PLA2G4C: variants seen among roughly 807,000 people sequenced by gnomAD.
The protein encoded by PLA2G4C is cytosolic phospholipase A2 gamma.
Under a neutral mutation model 73.8 loss-of-function variants are expected in PLA2G4C, and 64 were observed. The ratio of observed to expected loss-of-function variants is 0.87; its 90% CI spans 0.71 to 1.07. The LOEUF (loss-of-function observed/expected upper bound fraction) is 1.07, where lower values mean the gene tolerates loss of function less well. Among genes scored for constraint, PLA2G4C ranks in the 50% least tolerant of loss-of-function variants. PLA2G4C has a pLI of 0.00. For synonymous variants in PLA2G4C, 254 were observed against 252.1 expected (o/e 1.01, Z -0.07); for missense variants, 622 against 665.4 (o/e 0.93, Z 0.72).
chr19:48,098,018 C>T (rs770629456), intron 6 of PLA2G4C, 121 bp downstream of exon 6: 182 of 1,104,846 alleles, frequency 1.6e-4, no homozygotes, highest in Non-Finnish European at 2.3e-4. Flanking sequence ...CTGTTTTCTG[C>T]AATCCTGAGC....
At chr19:48,071,431 C>T (rs1968654175) in intron 12 of PLA2G4C, among the ~76,000 whole-genome samples, 1 of 152,138 alleles carries the variant, frequency 6.6e-6, no homozygotes, top group Admixed American at 6.6e-5. Flanking sequence ...GCTAGGATTA[C>T]AGGCATGTGC....
chr19:48,110,423 C>G, intron 1 of PLA2G4C, 64 bp downstream of exon 1: 1 of 1,135,908 alleles, frequency 8.8e-7, no homozygotes, highest in Non-Finnish European at 1.2e-6. Context: ...TGCACCCAAT[C>G]CCTGGTACTT....
At chr19:48,099,537 A>T (rs985190984) in intron 5 of PLA2G4C, 134 bp downstream of exon 5, 4 of 607,206 alleles carry the variant, frequency 6.6e-6, no homozygotes, top group Non-Finnish European at 1.1e-5. Flanking sequence ...CATCAACCGA[A>T]GTGCCCAGAT....
chr19:48,084,283 C>T (rs1193339038), intron 10 of PLA2G4C, among the ~76,000 whole-genome samples: 1 of 152,150 alleles, frequency 6.6e-6, no homozygotes, highest in African/African-American at 2.4e-5. Flanking sequence ...TGCACTCGAA[C>T]CCCTGACCTC....
intron 1 of PLA2G4C, among the ~76,000 whole-genome samples, chr19:48,109,308 G>A (rs1159178661): frequency 6.6e-6 from 1 of 151,992 alleles, no homozygotes; most frequent in African/African-American, 2.4e-5. Context: ...GTCTTGCTTT[G>A]TCACCCAGGC....
intron 14 of PLA2G4C, among the ~76,000 whole-genome samples, chr19:48,061,008 T>C (rs1322382577): frequency 2.6e-5 from 4 of 152,150 alleles, no homozygotes; most frequent in Non-Finnish European, 5.9e-5. Context: ...TATTTTTTAA[T>C]AAAATAGCTG....
chr19:48,085,870 T>C (rs1002413863), intron 9 of PLA2G4C, among the ~76,000 whole-genome samples: 3 of 152,214 alleles, frequency 2.0e-5, no homozygotes, highest in East Asian at 1.9e-4. Flanking sequence ...AGGATATGAC[T>C]TGGGGAGGTT....
intron 13 of PLA2G4C, among the ~76,000 whole-genome samples, chr19:48,065,131 A>G (rs140027447): frequency 0.015 from 2,348 of 152,216 alleles, 71 homozygotes; most frequent in African/African-American, 0.054. Flanking sequence ...CATGTGGCCT[A>G]GGTGGTTGGG....
intron 1 of PLA2G4C, among the ~76,000 whole-genome samples, chr19:48,108,021 C>T (rs1033470551): frequency 4.6e-5 from 7 of 152,066 alleles, no homozygotes; most frequent in African/African-American, 1.4e-4. Flanking sequence ...TAAATAACAG[C>T]GCAGCCAGGC....
intron 11 of PLA2G4C, among the ~76,000 whole-genome samples, chr19:48,076,333 G>A (rs1224789469): frequency 6.6e-6 from 1 of 152,176 alleles, no homozygotes; most frequent in Non-Finnish European, 1.5e-5. Flanking sequence ...GGAGGTGTGT[G>A]GAGCTGGTGC....
chr19:48,107,403 A>G (rs888926985), intron 1 of PLA2G4C, among the ~76,000 whole-genome samples: 2 of 152,086 alleles, frequency 1.3e-5, no homozygotes, highest in African/African-American at 4.8e-5. Flanking sequence ...TCATGCCTGT[A>G]ATCCCAGCAC....
At chr19:48,057,477 C>CTTTTTTTTTTTTTTTT (rs1265460823) in intron 14 of PLA2G4C, among the ~76,000 whole-genome samples, 1 of 16,850 alleles carries the variant, frequency 5.9e-5, no homozygotes, top group South Asian at 4.0e-3. Context: ...TCTTCTTCTT[C>CTTTTTTTTTTTTTTTT]TTCTTCTTTT....
Position 48,085,093 on chromosome 19 carries a change from A to G in PLA2G4C, c.810T>C (p.Val270=), listed in dbSNP as rs1186349157. 4 of 1,612,174 alleles carry G rather than the reference A, an allele frequency of 2.5e-6. No homozygotes were observed. The African/African-American group carries it at 5.3e-5, about 22-fold the overall frequency. Residue 270 remains valine, a synonymous_variant, in exon 10 of 17, where the codon GTT becomes GTC. Transcript: ENST00000599921. ...GGTGTCCAATGCTTTTAGCATTAGC[A>G]ACAGCCCTTCTCCATAAACCTGCCA... The part of the protein sequence containing the change: ...LTLKGLWRRA[V]ANAKSIGHLI...
At chr19:48,068,219 C>T (rs926205222) in intron 12 of PLA2G4C, among the ~76,000 whole-genome samples, 8 of 148,958 alleles carry the variant, frequency 5.4e-5, no homozygotes, top group Non-Finnish European at 8.9e-5. Context: ...GCAGGAGAAT[C>T]GCTTGAACCT....
chr19:48,074,955 T>C, intron 11 of PLA2G4C, 81 bp from the exon 12 acceptor site: 1 of 889,990 alleles, frequency 1.1e-6, no homozygotes, highest in South Asian at 1.6e-5. Context: ...CTGCCTCATC[T>C]TCTGCAATGC....
chr19:48,089,903 C>T (rs1280924298), intron 8 of PLA2G4C, among the ~76,000 whole-genome samples: 2 of 152,208 alleles, frequency 1.3e-5, no homozygotes, highest in South Asian at 2.1e-4. Context: ...TGGATCTCAG[C>T]AAAATGGAAG....
chr19:48,062,733 C>T (rs1448865709), intron 13 of PLA2G4C, among the ~76,000 whole-genome samples: 2 of 152,178 alleles, frequency 1.3e-5, no homozygotes, highest in African/African-American at 4.8e-5. Flanking sequence ...GGGTTTTTGG[C>T]GTGAAGTTCC....
chr19:48,081,977 A>C (rs2030602573), intron 10 of PLA2G4C, among the ~76,000 whole-genome samples: 1 of 151,992 alleles, frequency 6.6e-6, no homozygotes. Flanking sequence ...CCTACTAGGG[A>C]GGCTGAGGCA....
intron 13 of PLA2G4C, among the ~76,000 whole-genome samples, chr19:48,065,140 G>A (rs1968359086): frequency 6.6e-6 from 1 of 151,988 alleles, no homozygotes; most frequent in Non-Finnish European, 1.5e-5. Flanking sequence ...TAGGTGGTTG[G>A]GGCACAGCCT....
Sources: allele counts gnomAD v4.1 joint callset (sites outside exome capture counted in the v4.1 genomes callset), GRCh38; gene constraint gnomAD v4.1.1; transcripts MANE v1.5; gene names NCBI Gene and HGNC (gene_info 2026-07-23, HGNC 2026-07-21).